The following ARHGAP26 variants were observed in gnomAD, a reference collection of about 807,000 sequenced individuals.
ARHGAP26 encodes Rho GTPase activating protein 26.
In ARHGAP26, 38 loss-of-function variants were observed where a neutral mutation model predicts 104.8. The ratio of observed to expected loss-of-function variants is 0.36; its 90% CI spans 0.28 to 0.48. The LOEUF is 0.48. ARHGAP26 is among the 20% of genes least tolerant of loss of function. The pLI, the probability that ARHGAP26 is intolerant of heterozygous loss-of-function variation, is 0.99. For missense variants in ARHGAP26, 704 were observed against 947.9 expected (o/e 0.74, Z 3.38); for synonymous variants, 341 against 340.0 (o/e 1.00, Z -0.03).
intron 12 of ARHGAP26, among the ~76,000 whole-genome samples, chr5:143,030,578 T>G (rs1781699699): frequency 6.6e-6 from 1 of 151,900 alleles, no homozygotes; most frequent in Admixed American, 6.5e-5. Context: ...TATTCATTTC[T>G]TTATTTAACC....
At chr5:143,091,776 A>G (rs1791466344) in intron 17 of ARHGAP26, among the ~76,000 whole-genome samples, 1 of 152,194 alleles carries the variant, frequency 6.6e-6, no homozygotes, top group African/African-American at 2.4e-5. Context: ...TTGTGCTTTT[A>G]TTTTAATATC....
At chr5:142,926,418 T>C (rs1466950918) in intron 10 of ARHGAP26, among the ~76,000 whole-genome samples, 1 of 152,224 alleles carries the variant, frequency 6.6e-6, no homozygotes, top group African/African-American at 2.4e-5. Flanking sequence ...GGAAGTGCTG[T>C]ATTTTAAGTG....
At chr5:143,076,097 TA>T (rs1313067401) in intron 17 of ARHGAP26, among the ~76,000 whole-genome samples, 1 of 151,344 alleles carries the variant, frequency 6.6e-6, no homozygotes, top group Non-Finnish European at 1.5e-5. Flanking sequence ...CCTCCTGGGC[TA>T]AGGTGATCCT....
Position 142,816,706 on chromosome 5 carries a change from G to C in ARHGAP26, c.154+45791G>C, listed in dbSNP as rs1055272948. Among the ~76,000 whole-genome samples, 3 of 152,238 alleles carry C rather than the reference G, an allele frequency of 2.0e-5. No homozygotes were observed. In the East Asian group the frequency reaches 5.8e-4, roughly 29 times the overall value. ...CTGCCTTGCAGGGAAGCAGTGGGTG[G>C]TAAGTTGGAATGTATGTCACAGCCA... On this transcript the variant is annotated intron_variant, in intron 1 of 22. Coordinates refer to ENST00000645722, the MANE Select transcript of ARHGAP26 (RefSeq NM_001135608.3).
chr5:143,183,087 A>G (rs945661508), intron 20 of ARHGAP26, among the ~76,000 whole-genome samples: 3 of 151,788 alleles, frequency 2.0e-5, no homozygotes, highest in Admixed American at 6.6e-5. Context: ...AAAAAAAAAA[A>G]AAAAGAAAAA....
intron 17 of ARHGAP26, among the ~76,000 whole-genome samples, chr5:143,116,772 C>T (rs943437651): frequency 2.0e-5 from 3 of 152,304 alleles, no homozygotes; most frequent in East Asian, 3.9e-4. Context: ...GCAAGAGGCC[C>T]CTCTGCCAAG....
intron 9 of ARHGAP26, among the ~76,000 whole-genome samples, chr5:142,912,744 T>C (rs1761993181): frequency 6.6e-6 from 1 of 152,132 alleles, no homozygotes; most frequent in Non-Finnish European, 1.5e-5. Flanking sequence ...GTTTCAGCTA[T>C]GGTCAGTGCT....
chr5:142,838,932 A>G (rs143796300), intron 1 of ARHGAP26, among the ~76,000 whole-genome samples: 1 of 152,358 alleles, frequency 6.6e-6, no homozygotes, highest in East Asian at 1.9e-4. Flanking sequence ...TTTTTATGCC[A>G]TCATGACTTA....
intron 19 of ARHGAP26, among the ~76,000 whole-genome samples, chr5:143,141,037 CG>C (rs747369485): frequency 6.6e-5 from 10 of 152,228 alleles, no homozygotes; most frequent in African/African-American, 2.4e-4. Flanking sequence ...TTGCAGATCC[CG>C]GGTGCCCTGG....
chr5:143,106,466 CTTTTTTTT>C (rs70991793), intron 17 of ARHGAP26, among the ~76,000 whole-genome samples: 41 of 77,308 alleles, frequency 5.3e-4, no homozygotes, highest in Non-Finnish European at 7.6e-4. Context: ...ATGCATTGGG[CTTTTTTTT>C]TTTTTTTTTT....
intron 11 of ARHGAP26, among the ~76,000 whole-genome samples, chr5:142,986,353 T>A (rs1455440864): frequency 6.6e-6 from 1 of 152,204 alleles, no homozygotes; most frequent in Non-Finnish European, 1.5e-5. Flanking sequence ...TTGATGGGGT[T>A]GTTTGATTTT....
intron 17 of ARHGAP26, among the ~76,000 whole-genome samples, chr5:143,115,606 G>A (rs1255187451): frequency 1.3e-5 from 2 of 152,018 alleles, no homozygotes; most frequent in Non-Finnish European, 2.9e-5. Flanking sequence ...GGCAGTTGCT[G>A]CTACTGCTAC....
At chr5:142,903,149 C>T (rs964140009) in intron 7 of ARHGAP26, among the ~76,000 whole-genome samples, 3 of 152,172 alleles carry the variant, frequency 2.0e-5, no homozygotes, top group African/African-American at 4.8e-5. Context: ...CATCAGCAAG[C>T]AACATTCATG....
chr5:142,791,518 A>G (rs1440775989), intron 1 of ARHGAP26, among the ~76,000 whole-genome samples: 1 of 152,130 alleles, frequency 6.6e-6, no homozygotes, highest in Non-Finnish European at 1.5e-5. Flanking sequence ...CGGTGAATTG[A>G]TGTGTTTCCT....
intron 1 of ARHGAP26, among the ~76,000 whole-genome samples, chr5:142,801,318 A>G (rs1440366415): frequency 1.3e-5 from 2 of 152,174 alleles, no homozygotes; most frequent in African/African-American, 2.4e-5. Flanking sequence ...AGTTATAGTC[A>G]TAGCGAATAG....
At position 143,183,156 on chromosome 5, in the gene ARHGAP26, G is replaced by C. The variant is rs1398419010; in HGVS notation, c.1989-24042G>C. Among the ~76,000 whole-genome samples the C allele has an allele frequency of 3.3e-5, 5 of 151,898 alleles. No homozygotes were observed. The South Asian group carries it at 1.0e-3, about 32-fold the overall frequency. The stretch of plus-strand genomic sequence containing the variant: ...AGGGGAATTTCGGCTGTTCTTGGTG[G>C]CAGTATAATCTCACAAAAGATGTAT... On this transcript the variant is annotated intron_variant, in intron 20 of 22. Transcript: ENST00000645722.
At chr5:143,157,101 A>G (rs1800564978) in intron 20 of ARHGAP26, among the ~76,000 whole-genome samples, 1 of 152,132 alleles carries the variant, frequency 6.6e-6, no homozygotes, top group South Asian at 2.1e-4. Context: ...TGTCTAAATC[A>G]GCATTTCCCA....
intron 22 of ARHGAP26, among the ~76,000 whole-genome samples, chr5:143,221,504 T>C (rs1176854550): frequency 6.7e-6 from 1 of 149,652 alleles, no homozygotes; most frequent in Non-Finnish European, 1.5e-5. Context: ...GAAAGTAAGA[T>C]GATGACAAGA....
intron 6 of ARHGAP26, among the ~76,000 whole-genome samples, 154 bp from the exon 7 acceptor site, chr5:142,901,781 A>C (rs1292642718): frequency 6.6e-6 from 1 of 152,250 alleles, no homozygotes; most frequent in African/African-American, 2.4e-5. Flanking sequence ...ATGGAAGGGC[A>C]TAGTGCCTGG....
Sources: gnomAD v4.1 joint callset for allele counts (sites outside exome capture counted in the v4.1 genomes callset) on GRCh38, gnomAD v4.1.1 for gene constraint, MANE v1.5 for transcripts, NCBI Gene and HGNC (gene_info 2026-07-23, HGNC 2026-07-21) for gene names.